Variants in FAM227B observed in about 807,000 individuals in gnomAD.
FAM227B encodes the protein family with sequence similarity 227 member B.
FAM227B carries 88 observed loss-of-function variants against 73.8 expected under a neutral mutation model. The ratio of observed to expected loss-of-function variants is 1.19; its 90% CI spans 1.00 to 1.42. The LOEUF (loss-of-function observed/expected upper bound fraction) is 1.42, where lower values mean the gene tolerates loss of function less well. Ranked by LOEUF, FAM227B falls within the 40% of genes most tolerant of loss-of-function variation. FAM227B has a pLI of 0.00. For synonymous variants in FAM227B, 210 were observed against 190.5 expected (o/e 1.10, Z -0.84); for missense variants, 632 against 590.9 (o/e 1.07, Z -0.72).
intron 14 of FAM227B, 172 bp from the exon 15 acceptor site, chr15:49,332,021 T>A (rs1207421016): frequency 2.0e-5 from 12 of 586,186 alleles, no homozygotes; most frequent in Non-Finnish European, 3.0e-5. Flanking sequence ...TATTATCCTA[T>A]TTTATAAATG....
intron 11 of FAM227B, among the ~76,000 whole-genome samples, chr15:49,393,651 TACAA>T (rs1217212133): frequency 1.5e-4 from 23 of 152,190 alleles, no homozygotes; most frequent in African/African-American, 5.1e-4. Context: ...AATGAATGAA[TACAA>T]TAAGGATTGG....
At chr15:49,377,813 T>A (rs2046269667) in intron 11 of FAM227B, among the ~76,000 whole-genome samples, 1 of 152,166 alleles carries the variant, frequency 6.6e-6, no homozygotes, top group Non-Finnish European at 1.5e-5. Context: ...GTGGGTTGTC[T>A]CTTCACTTTG....
intron 11 of FAM227B, among the ~76,000 whole-genome samples, chr15:49,462,901 AG>A (rs1425048523): frequency 6.6e-6 from 1 of 152,196 alleles, no homozygotes; most frequent in Non-Finnish European, 1.5e-5. Context: ...CTAGGTCCTA[AG>A]GCACTTTATA....
intron 7 of FAM227B, 36 bp from the exon 8 acceptor site, chr15:49,575,145 T>A: frequency 9.1e-7 from 1 of 1,101,066 alleles, no homozygotes; most frequent in South Asian, 1.4e-5. Context: ...GCATGGAGAT[T>A]AAAATATATT....
At chr15:49,378,406 TAAC>T (rs2046308749) in intron 11 of FAM227B, among the ~76,000 whole-genome samples, 1 of 152,138 alleles carries the variant, frequency 6.6e-6, no homozygotes, top group African/African-American at 2.4e-5. Context: ...ATGAACATGT[TAAC>T]AATATTGATT....
intron 13 of FAM227B, among the ~76,000 whole-genome samples, chr15:49,338,148 T>C (rs1454773169): frequency 6.6e-6 from 1 of 152,236 alleles, no homozygotes; most frequent in African/African-American, 2.4e-5. Context: ...TTAATATTGT[T>C]ATGTGTGAAC....
Position 49,416,772 on chromosome 15 carries a change from G to GACACAC in FAM227B, c.1013-45379_1013-45374dup, listed in dbSNP as rs5812484. Among the ~76,000 whole-genome samples the GACACAC allele has an allele frequency of 5.9e-4, 89 of 149,960 alleles. 1 individual carries two copies. The highest frequency in any genetic ancestry group is 6.8e-3 in the Middle Eastern group (2 of 294). ...CATCCACAATTGCCACACACACATA[G>GACACAC]ACACACACACACACACACACACACA... On this transcript the variant is annotated intron_variant, in intron 11 of 15. Transcript: ENST00000299338.
At chr15:49,550,021 C>T (rs1183045348) in intron 9 of FAM227B, among the ~76,000 whole-genome samples, 1 of 136,638 alleles carries the variant, frequency 7.3e-6, no homozygotes, top group South Asian at 2.4e-4. Flanking sequence ...CTGACCCCCC[C>T]ACCTCCCTCC....
intron 13 of FAM227B, among the ~76,000 whole-genome samples, chr15:49,356,240 A>G (rs2043147263): frequency 6.6e-6 from 1 of 152,150 alleles, no homozygotes; most frequent in South Asian, 2.1e-4. Flanking sequence ...ACACATAACA[A>G]TTTAAATGTA....
At chr15:49,508,472 T>C (rs2058740037) in intron 10 of FAM227B, 124 bp from the exon 11 acceptor site, 2 of 799,220 alleles carry the variant, frequency 2.5e-6, no homozygotes, top group Non-Finnish European at 1.9e-6. Flanking sequence ...TCCTTTTTTG[T>C]TCCTTTTAAG....
chr15:49,445,819 C>T (rs776426511), intron 11 of FAM227B, among the ~76,000 whole-genome samples: 1 of 151,494 alleles, frequency 6.6e-6, no homozygotes, highest in Non-Finnish European at 1.5e-5. Flanking sequence ...ACTCTCTTAT[C>T]ACCAGATTCC....
chr15:49,475,423 G>A (rs111407371), intron 11 of FAM227B, among the ~76,000 whole-genome samples: 3,995 of 152,170 alleles, frequency 0.026, 189 homozygotes, highest in African/African-American at 0.092. Context: ...CAGAGTTAAG[G>A]GCAGGGACAT....
chr15:49,518,792 T>A (rs1375849835), intron 10 of FAM227B, among the ~76,000 whole-genome samples: 1 of 152,120 alleles, frequency 6.6e-6, no homozygotes, highest in African/African-American at 2.4e-5. Flanking sequence ...ACCATATCAT[T>A]CCATGCCTGG....
chr15:49,445,631 G>C (rs1175627434), intron 11 of FAM227B, among the ~76,000 whole-genome samples: 2 of 151,242 alleles, frequency 1.3e-5, no homozygotes, highest in East Asian at 3.9e-4. Context: ...ACATCACTGT[G>C]TACACCATAA....
intron 11 of FAM227B, among the ~76,000 whole-genome samples, chr15:49,470,547 G>A (rs2151963136): frequency 6.6e-6 from 1 of 152,210 alleles, no homozygotes; most frequent in Non-Finnish European, 1.5e-5. Flanking sequence ...AGTAAAAATA[G>A]CATCCCCTTA....
At chr15:49,527,217 T>A (rs1461224273) in intron 10 of FAM227B, among the ~76,000 whole-genome samples, 2 of 151,984 alleles carry the variant, frequency 1.3e-5, no homozygotes, top group Admixed American at 6.6e-5. Context: ...ATTCCAGGGA[T>A]GTAAGGATGG....
chr15:49,372,608 A>G (rs2045917818), intron 11 of FAM227B, among the ~76,000 whole-genome samples: 1 of 152,212 alleles, frequency 6.6e-6, no homozygotes, highest in Non-Finnish European at 1.5e-5. Context: ...ATGAGGGTAC[A>G]GAGGGATTCG....
chr15:49,365,948 AAACT>A (rs1260442346), intron 13 of FAM227B: 4 of 897,040 alleles, frequency 4.5e-6, no homozygotes, highest in South Asian at 1.3e-5. Context: ...ATCATAACAT[AAACT>A]AACCATTTGT....
chr15:49,587,922 A>G (rs967908786), intron 5 of FAM227B, 94 bp downstream of exon 5: 26 of 1,136,088 alleles, frequency 2.3e-5, no homozygotes, highest in Non-Finnish European at 3.0e-5. Flanking sequence ...GGACATTTAC[A>G]AAAGTGTTAT....
Sources: gnomAD v4.1 joint callset for allele counts (sites outside exome capture counted in the v4.1 genomes callset) on GRCh38, gnomAD v4.1.1 for gene constraint, MANE v1.5 for transcripts, NCBI Gene and HGNC (gene_info 2026-07-23, HGNC 2026-07-21) for gene names.